NOX4: variants seen among roughly 807,000 people sequenced by gnomAD.
NOX4 encodes kidney oxidase-1.
NOX4 carries 69 observed loss-of-function variants against 87.6 expected under a neutral mutation model. That is an observed-to-expected ratio of 0.79 (90% CI 0.65 to 0.96). The LOEUF (loss-of-function observed/expected upper bound fraction) is 0.96. Ranked by LOEUF, NOX4 falls within the 40% of genes least tolerant of loss-of-function variation. NOX4 has a pLI of 0.00. For missense variants in NOX4, 680 were observed against 681.5 expected (o/e 1.00, Z 0.02); for synonymous variants, 275 against 238.2 (o/e 1.15, Z -1.42).
chr11:89,428,946 T>C (rs1030055685), intron 7 of NOX4, among the ~76,000 whole-genome samples: 11 of 152,164 alleles, frequency 7.2e-5, no homozygotes, highest in African/African-American at 2.4e-4. Flanking sequence ...TATTCCAAAA[T>C]TGACCACATA....
At chr11:89,483,898 A>T (rs925052565) in intron 2 of NOX4, among the ~76,000 whole-genome samples, 2 of 152,158 alleles carry the variant, frequency 1.3e-5, no homozygotes, top group Non-Finnish European at 2.9e-5. Flanking sequence ...AATTTTATAA[A>T]ACAAGAATAC....
rs1943884465 is a variant in NOX4 at position 89,432,917 on chromosome 11, A to T, written c.476-61T>A. On this transcript the variant is annotated intron_variant, in intron 6 of 17. Coordinates refer to ENST00000263317, the MANE Select transcript of NOX4 (RefSeq NM_016931.5). ...TCATAGTGAGAAAAAAATACAAAAA[A>T]TGATTATATTAGAATCCGAAATACT... 10 of 1,127,590 alleles carry T rather than the reference A, an allele frequency of 8.9e-6. No individual in the cohort carries two copies. The East Asian group carries it at 2.5e-4, about 29-fold the overall frequency. The allele number at this position is 1,127,590 out of a possible 1,614,324, so 69.8% of individuals were successfully genotyped here. A position where few individuals can be genotyped will look rare whatever the true frequency, so the allele number is the denominator to read the frequency against.
intron 12 of NOX4, among the ~76,000 whole-genome samples, chr11:89,362,173 G>GACACAGACACACACACAC (rs936644259): frequency 1.4e-5 from 2 of 147,020 alleles, no homozygotes; most frequent in African/African-American, 4.9e-5. Flanking sequence ...CACAGACACA[G>GACACAGACACACACACAC]ACACACACAC....
At chr11:89,360,662 G>A (rs1027304716) in intron 12 of NOX4, among the ~76,000 whole-genome samples, 2 of 151,988 alleles carry the variant, frequency 1.3e-5, no homozygotes, top group Non-Finnish European at 2.9e-5. Context: ...TTAACTTTGA[G>A]TTGCTTAAAA....
chr11:89,492,301 A>G (rs1428455197), upstream of NOX4: 1 of 152,210 alleles, frequency 6.6e-6, no homozygotes, highest in East Asian at 1.9e-4. Flanking sequence ...TAGATATCCA[A>G]TAAAGGTTTG....
the NOX4 span, among the ~76,000 whole-genome samples, chr11:89,575,317 A>G: frequency 2.0e-5 from 3 of 152,210 alleles, no homozygotes; most frequent in African/African-American, 7.2e-5. Flanking sequence ...GCAGAACCAA[A>G]TAATTATTTT....
chr11:89,549,874 A>G, the NOX4 span, among the ~76,000 whole-genome samples: 1 of 152,320 alleles, frequency 6.6e-6, no homozygotes, highest in Non-Finnish European at 1.5e-5. Flanking sequence ...TATATGTGCC[A>G]CATTTTCTTT....
chr11:89,363,978 G>T (rs1464167664), intron 12 of NOX4, among the ~76,000 whole-genome samples: 1 of 151,996 alleles, frequency 6.6e-6, no homozygotes, highest in South Asian at 2.1e-4. Context: ...TAAAGATATA[G>T]GCAGGCCAGG....
intron 2 of NOX4, among the ~76,000 whole-genome samples, chr11:89,489,770 C>T (rs1373560244): frequency 1.3e-5 from 2 of 150,272 alleles, no homozygotes; most frequent in Admixed American, 6.6e-5. Flanking sequence ...AAAGAAAACG[C>T]AATCTCCTTG....
rs569451224 is a variant in NOX4, at chr11:89,449,665, T to C, written c.265-141A>G. ...CAAAAATTGGTGAGATGAATTATGA[T>C]CTATCTAGTTAATGGGACACCTAAA... On this transcript the variant is annotated intron_variant, in intron 3 of 17. Transcript: ENST00000263317. 1.5e-5 allele frequency: 9 copies of C among 592,634 alleles called. No individual in the cohort carries two copies. The East Asian group carries it at 2.6e-4, about 17-fold the overall frequency. The allele number at this position is 592,634 out of a possible 1,614,324, so 36.7% of individuals were successfully genotyped here.
rs768559870 is a variant in NOX4, at chr11:89,444,230, C to T, written c.352G>A (p.Val118Met). ...TTCACCAGATGGGCAGCCACATGCA[C>T]GCCTACAGAATTACACCAGGGGTAA... ...CGVTICIFSG[V>M]HVAAHLVNAL... The change falls in exon 5 of 18, where the codon GTG (valine) becomes ATG (methionine). Residue 118 changes from valine (V) to methionine (M), a missense_variant and splice_region_variant. Coordinates refer to ENST00000263317, the MANE Select transcript of NOX4 (RefSeq NM_016931.5). 9.9e-5 allele frequency: 160 copies of T among 1,612,750 alleles called. No homozygotes were observed. The highest frequency in any genetic ancestry group is 1.6e-4 in the Middle Eastern group (1 of 6,076).
chr11:89,358,386 C>CAAA (rs10558391), intron 12 of NOX4, among the ~76,000 whole-genome samples: 46 of 78,048 alleles, frequency 5.9e-4, no homozygotes, highest in African/African-American at 1.4e-3. Context: ...AACTTAATCT[C>CAAA]AAAAAAAAAA....
chr11:89,432,100 GACAAAAA>G (rs199610875), intron 7 of NOX4, among the ~76,000 whole-genome samples: 5,261 of 151,900 alleles, frequency 0.035, 319 homozygotes, highest in African/African-American at 0.12. Context: ...CTATCGCAAG[GACAAAAA>G]ACTATACACC....
At chr11:89,386,674 T>TA (rs564029237) in intron 11 of NOX4, among the ~76,000 whole-genome samples, 2 of 151,956 alleles carry the variant, frequency 1.3e-5, no homozygotes, top group Non-Finnish European at 2.9e-5. Context: ...TACTCACTGC[T>TA]AAAAAAAGAG....
intron 2 of NOX4, among the ~76,000 whole-genome samples, chr11:89,484,889 T>C (rs1247795158): frequency 1.3e-5 from 2 of 152,136 alleles, no homozygotes; most frequent in African/African-American, 2.4e-5. Flanking sequence ...TGAGCAACTC[T>C]AGCTAGTGAT....
intron 2 of NOX4, among the ~76,000 whole-genome samples, chr11:89,469,035 G>A (rs921656446): frequency 6.6e-6 from 1 of 152,104 alleles, no homozygotes; most frequent in Non-Finnish European, 1.5e-5. Flanking sequence ...AGGCCTGAAA[G>A]CTTTACATTT....
chr11:89,535,777 T>C, the NOX4 span, among the ~76,000 whole-genome samples: 1 of 152,190 alleles, frequency 6.6e-6, no homozygotes, highest in Non-Finnish European at 1.5e-5. Context: ...TGAAATTAGA[T>C]AACAAATATA....
chr11:89,439,989 G>A (rs1323385593), intron 6 of NOX4, among the ~76,000 whole-genome samples: 1 of 152,142 alleles, frequency 6.6e-6, no homozygotes, highest in Admixed American at 6.6e-5. Context: ...CACAGTGCTT[G>A]GTGTTCCTTT....
At chr11:89,473,893 A>C (rs1280567428) in intron 2 of NOX4, among the ~76,000 whole-genome samples, 1 of 152,204 alleles carries the variant, frequency 6.6e-6, no homozygotes, top group East Asian at 1.9e-4. Flanking sequence ...GCAAAGAAAG[A>C]GCCAAAATGC....
Sources: gnomAD v4.1 joint callset for allele counts (sites outside exome capture counted in the v4.1 genomes callset) on GRCh38, gnomAD v4.1.1 for gene constraint, MANE v1.5 for transcripts, NCBI Gene and HGNC (gene_info 2026-07-23, HGNC 2026-07-21) for gene names.